The following ZNF474 variants were observed in gnomAD, a reference collection of about 807,000 sequenced individuals.
ZNF474 encodes the protein zinc finger protein 474.
For synonymous variants in ZNF474, 192 were observed against 162.2 expected (o/e 1.18, Z -1.39); for missense variants, 511 against 433.8 (o/e 1.18, Z -1.58).
At chr5:122,147,935 G>A (rs912121256) in intron 1 of ZNF474, 1 of 152,214 alleles carries the variant, frequency 6.6e-6, no homozygotes, top group African/African-American at 2.4e-5. Context: ...TTCTGTAAAT[G>A]TCCTATGTGC....
chr5:122,142,894 T>C (rs192358715), intron 1 of ZNF474, among the ~76,000 whole-genome samples: 31 of 152,116 alleles, frequency 2.0e-4, no homozygotes, highest in Non-Finnish European at 4.3e-4. Context: ...GGCGAGCATA[T>C]CAGAAAATAG....
At chr5:122,141,129 TA>T (rs1169598245) in intron 1 of ZNF474, among the ~76,000 whole-genome samples, 24 of 125,536 alleles carry the variant, frequency 1.9e-4, no homozygotes, top group East Asian at 1.8e-3. Context: ...TATTTTATTT[TA>T]TTTTATTTTA....
chr5:122,145,770 G>T (rs1482552181), intron 1 of ZNF474, among the ~76,000 whole-genome samples: 2 of 152,158 alleles, frequency 1.3e-5, no homozygotes, highest in Non-Finnish European at 2.9e-5. Flanking sequence ...TTCTATGAAA[G>T]AATTAATTTG....
chr5:122,145,533 T>C (rs1267449958), intron 1 of ZNF474, among the ~76,000 whole-genome samples: 2 of 152,150 alleles, frequency 1.3e-5, no homozygotes, highest in Non-Finnish European at 2.9e-5. Context: ...AGTGGTGGCC[T>C]TGTGGCTTGG....
intron 1 of ZNF474, among the ~76,000 whole-genome samples, chr5:122,146,540 C>A (rs1755994060): frequency 6.6e-6 from 1 of 151,562 alleles, no homozygotes; most frequent in Non-Finnish European, 1.5e-5. Context: ...ATTCCTTCAT[C>A]AAAAAAAATC....
intron 1 of ZNF474, among the ~76,000 whole-genome samples, chr5:122,147,390 T>A (rs1194122262): frequency 6.6e-6 from 1 of 152,240 alleles, no homozygotes; most frequent in East Asian, 1.9e-4. Flanking sequence ...GATTTTTTTA[T>A]ATACTTTAAG....
chr5:122,148,375 A>G (rs537128295), intron 1 of ZNF474, among the ~76,000 whole-genome samples: 1 of 152,362 alleles, frequency 6.6e-6, no homozygotes, highest in Admixed American at 6.5e-5. Flanking sequence ...GAAAAGTTGA[A>G]GATTCAAATG....
At chr5:122,132,446 A>G (rs2152602851) in intron 1 of ZNF474, among the ~76,000 whole-genome samples, 1 of 152,120 alleles carries the variant, frequency 6.6e-6, no homozygotes, top group African/African-American at 2.4e-5. Flanking sequence ...GTTCTTCCCA[A>G]TCTATGTCTT....
chr5:122,140,567 A>G (rs948348032), intron 1 of ZNF474, among the ~76,000 whole-genome samples: 17 of 152,240 alleles, frequency 1.1e-4, no homozygotes, highest in Non-Finnish European at 2.1e-4. Context: ...ATTTTAAAAG[A>G]TCATAGTATG....
At chr5:122,141,350 C>A (rs1258489151) in intron 1 of ZNF474, among the ~76,000 whole-genome samples, 2 of 134,590 alleles carry the variant, frequency 1.5e-5, no homozygotes, top group Non-Finnish European at 3.1e-5. Flanking sequence ...CCCTCTCTTG[C>A]CAGGCTGGAG....
At chr5:122,138,398 C>T (rs1482871291) in intron 1 of ZNF474, among the ~76,000 whole-genome samples, 2 of 152,194 alleles carry the variant, frequency 1.3e-5, no homozygotes, top group Non-Finnish European at 2.9e-5. Context: ...CAAACATCCT[C>T]ATGATCTTCT....
At chr5:122,139,317 G>A (rs1755778845) in intron 1 of ZNF474, among the ~76,000 whole-genome samples, 1 of 152,110 alleles carries the variant, frequency 6.6e-6, no homozygotes, top group South Asian at 2.1e-4. Flanking sequence ...TGCTGTTTTA[G>A]CTAAAATTAT....
rs578181931 is a variant in ZNF474, at chr5:122,148,454, G to A, written c.-212-3325G>A. On this transcript the variant is annotated intron_variant, in intron 1 of 1. Transcript: ENST00000296600. ...TTGCAGTGCACAAATGTTTGTGTGC[G>A]GTAAGATCTATCCCTAATCAAATGG... Among the ~76,000 whole-genome samples, 9 of 152,254 alleles carry A rather than the reference G, an allele frequency of 5.9e-5. No homozygotes were observed. The South Asian group carries it at 1.0e-3, about 18-fold the overall frequency.
At chr5:122,147,092 G>A (rs193150809) in intron 1 of ZNF474, among the ~76,000 whole-genome samples, 1 of 152,248 alleles carries the variant, frequency 6.6e-6, no homozygotes, top group African/African-American at 2.4e-5. Flanking sequence ...TATAAGCCTT[G>A]GTGTAAATGA....
rs761259207 is a variant in ZNF474, at chr5:122,152,927, C to T, written c.937C>T (p.Pro313Ser). The change falls in exon 2 of 2, where the codon CCA becomes TCA. Residue 313 changes from proline (P) to serine (S), a missense_variant. Transcript: ENST00000296600. Reference protein sequence around the residue: ...QRSCKTHPYGPKYQNLNLGSK... With the variant: ...QRSCKTHPYGSKYQNLNLGSK... ...AAGTTGTAAAACTCATCCTTATGGG[C>T]CAAAATATCAGAATTTGAATTTAGG... 5 of 1,608,686 alleles carry T rather than the reference C, an allele frequency of 3.1e-6. No individual in the cohort carries two copies. The African/African-American group carries it at 7.1e-5, about 23-fold the overall frequency.
At chr5:122,131,125 A>T (rs1017369962) in intron 1 of ZNF474, among the ~76,000 whole-genome samples, 1 of 152,180 alleles carries the variant, frequency 6.6e-6, no homozygotes, top group Non-Finnish European at 1.5e-5. Context: ...TACATTTGTG[A>T]GAATGGCTGT....
In ZNF474 at chr5:122,152,528, C is replaced by T; in HGVS notation, c.538C>T (p.Leu180Phe). Residue 180 changes from leucine to phenylalanine, a missense_variant, in exon 2 of 2, where the codon CTT becomes TTT. Transcript: ENST00000296600. The part of the protein sequence containing the change: ...SCGRTFLPDH[L>F]LVHHRSCKPK... ...TGGCCGCACATTCTTGCCAGATCAT[C>T]TTCTTGTTCATCACAGAAGCTGCAA... The T allele has an allele frequency of 6.2e-7, 1 of 1,614,176 alleles. No homozygotes were observed. The highest frequency in any genetic ancestry group is 8.5e-7 in the Non-Finnish European group (1 of 1,180,028).
chr5:122,132,892 A>G (rs1311795306), intron 1 of ZNF474, among the ~76,000 whole-genome samples: 5 of 152,188 alleles, frequency 3.3e-5, no homozygotes. Context: ...GCCAACTTAT[A>G]TTATTTGAAT....
Position 122,152,276 on chromosome 5 carries a change from G to A in ZNF474, c.286G>A (p.Val96Ile), listed in dbSNP as rs114373483. The A allele has an allele frequency of 6.2e-7, 1 of 1,614,104 alleles. No homozygotes were observed. The highest frequency in any genetic ancestry group is 8.5e-7 in the Non-Finnish European group (1 of 1,180,052). The change falls in exon 2 of 2, where the codon GTA becomes ATA. Residue 96 changes from valine to isoleucine, a missense_variant. Transcript: ENST00000296600. ...VIPARRPGFRVCYICGREFGS... is the reference protein window; with the variant it reads ...VIPARRPGFRICYICGREFGS... ...CCCGGCCCGCAGGCCTGGATTCCGG[G>A]TATGCTATATCTGTGGCCGAGAATT...
Sources: allele counts gnomAD v4.1 joint callset (sites outside exome capture counted in the v4.1 genomes callset), GRCh38; gene constraint gnomAD v4.1.1; transcripts MANE v1.5; gene names NCBI Gene and HGNC (gene_info 2026-07-23, HGNC 2026-07-21).